Variants in POLK observed in about 807,000 individuals in gnomAD.
POLK encodes DNA polymerase kappa.
Under a neutral mutation model 94.0 loss-of-function variants are expected in POLK, and 76 were observed. The ratio of observed to expected loss-of-function variants is 0.81; its 90% CI spans 0.67 to 0.98. POLK has a LOEUF of 0.98. Ranked by LOEUF, POLK falls within the 50% of genes least tolerant of loss-of-function variation. The pLI, the probability that POLK is intolerant of heterozygous loss-of-function variation, is 0.00. For missense variants in POLK, 954 were observed against 1,010.1 expected (o/e 0.94, Z 0.75); for synonymous variants, 349 against 325.4 (o/e 1.07, Z -0.78).
intron 12 of POLK, among the ~76,000 whole-genome samples, chr5:75,594,986 C>T (rs1319208230): frequency 6.6e-6 from 1 of 152,110 alleles, no homozygotes. Context: ...CGCGGTGGCT[C>T]ACGCCTGTAA....
At position 75,569,373 on chromosome 5, in the gene POLK, C is replaced by T. The variant is rs770423121; in HGVS notation, c.289C>T (p.Arg97Ter). 5 of 1,611,116 alleles carry T rather than the reference C, an allele frequency of 3.1e-6. No individual in the cohort carries two copies. The highest frequency in any genetic ancestry group is 2.7e-5 in the African/African-American group (2 of 74,730). Residue 97 changes from arginine (R) to a stop codon, truncating the protein, a stop_gained, in exon 4 of 15, where the codon CGA (arginine) becomes TGA (stop). Coordinates refer to ENST00000241436, the Ensembl canonical transcript of POLK. LOFTEE classifies it high-confidence loss of function. ...ATTTGCAATGGAATTAGAACAAAGC[C>T]GAAATTTGAGCAATACCATAGTGCA...
rs538288772 is a variant in POLK at position 75,533,958 on chromosome 5, G to C, written c.-13-13052G>C. 6.6e-5 allele frequency among the ~76,000 whole-genome samples: 10 copies of C among 152,156 alleles called. 1 individual carries two copies. The East Asian group carries it at 1.9e-3, about 29-fold the overall frequency. ...ATTTTGTATCCTGAAGCTTTGCTGAGGTTTATCACATCAAGGAGCTTTTGG... is the reference window on the plus strand; with the variant it reads ...ATTTTGTATCCTGAAGCTTTGCTGACGTTTATCACATCAAGGAGCTTTTGG... On this transcript the variant is annotated intron_variant, in intron 1 of 14. Coordinates refer to ENST00000241436, the Ensembl canonical transcript of POLK.
chr5:75,596,629 T>A, exon 13 of POLK: 1 of 1,614,040 alleles, frequency 6.2e-7, no homozygotes. Context: ...TGTAGATGAA[T>A]GTCTTGATGG....
At chr5:75,582,147 C>T in intron 7 of POLK, 2 of 986,784 alleles carry the variant, frequency 2.0e-6, no homozygotes, top group Non-Finnish European at 2.4e-6. Flanking sequence ...GAAATACTAA[C>T]TAGCAACATA....
intron 3 of POLK, chr5:75,568,616 A>C: frequency 2.6e-6 from 1 of 390,882 alleles, no homozygotes; most frequent in South Asian, 1.9e-5. Flanking sequence ...TGTATTTGAC[A>C]TATATATTAA....
chr5:75,594,464 A>G (rs538376384), intron 12 of POLK, among the ~76,000 whole-genome samples: 7 of 152,332 alleles, frequency 4.6e-5, no homozygotes, highest in Non-Finnish European at 5.9e-5. Context: ...GTAAGGGTCA[A>G]TTAAAGTTGT....
intron 11 of POLK, among the ~76,000 whole-genome samples, chr5:75,591,076 T>TA (rs1198549006): frequency 3.9e-5 from 6 of 152,142 alleles, no homozygotes; most frequent in Non-Finnish European, 7.4e-5. Flanking sequence ...ATAGAAGAAA[T>TA]AAGACCTAGT....
chr5:75,583,396 C>G, exon 8 of POLK: 3 of 1,601,220 alleles, frequency 1.9e-6, no homozygotes, highest in Non-Finnish European at 2.6e-6. Flanking sequence ...TGGACTTCAT[C>G]AAGGATTTAC....
At chr5:75,534,096 T>G (rs1476134749) in intron 1 of POLK, among the ~76,000 whole-genome samples, 1 of 152,030 alleles carries the variant, frequency 6.6e-6, no homozygotes, top group Non-Finnish European at 1.5e-5. Flanking sequence ...TGAAACCCCA[T>G]CTCTACTAAA....
chr5:75,531,302 A>G (rs1427129721), intron 1 of POLK, among the ~76,000 whole-genome samples: 1 of 149,648 alleles, frequency 6.7e-6, no homozygotes, highest in Non-Finnish European at 1.5e-5. Context: ...TGTATAAACA[A>G]TATACTATAT....
At chr5:75,604,318 T>TAA (rs780705851), downstream of POLK, among the ~76,000 whole-genome samples, 2 of 151,880 alleles carry the variant, frequency 1.3e-5, 1 homozygote, top group South Asian at 4.2e-4. Context: ...AACCTGGGGC[T>TAA]AAAAAAAACT....
At chr5:75,545,509 CTAATATGA>C (rs1319054441) in intron 1 of POLK, among the ~76,000 whole-genome samples, 2 of 152,072 alleles carry the variant, frequency 1.3e-5, no homozygotes, top group Non-Finnish European at 2.9e-5. Context: ...TTTTTTCTCC[CTAATATGA>C]AAATAACCAG....
At chr5:75,511,412 C>T (rs1026933314), upstream of POLK, 116 of 1,545,264 alleles carry the variant, frequency 7.5e-5, no homozygotes, top group Non-Finnish European at 9.5e-5. Flanking sequence ...GGAGGACGAG[C>T]GGTGAAGGAA....
chr5:75,596,792 G>T, exon 13 of POLK: 2 of 1,611,770 alleles, frequency 1.2e-6, no homozygotes, highest in East Asian at 2.2e-5. Context: ...TCAGTAGATT[G>T]TATAGCTTTA....
At chr5:75,585,879 A>G (rs1463562345) in intron 9 of POLK, among the ~76,000 whole-genome samples, 2 of 152,190 alleles carry the variant, frequency 1.3e-5, no homozygotes, top group East Asian at 3.8e-4. Flanking sequence ...TTGATGGACT[A>G]ATTAAGCCTA....
At chr5:75,516,489 A>T (rs1207476253) in intron 1 of POLK, among the ~76,000 whole-genome samples, 1 of 152,208 alleles carries the variant, frequency 6.6e-6, no homozygotes, top group Non-Finnish European at 1.5e-5. Flanking sequence ...TAAAAGTTTA[A>T]AAATAAAGTT....
chr5:75,557,028 A>G (rs964951809), intron 3 of POLK, among the ~76,000 whole-genome samples: 1 of 152,148 alleles, frequency 6.6e-6, no homozygotes, highest in Non-Finnish European at 1.5e-5. Context: ...GCACCACTGC[A>G]CTCCAGCCTG....
upstream of POLK, chr5:75,511,130 G>A: frequency 1.3e-6 from 2 of 1,598,206 alleles, no homozygotes; most frequent in African/African-American, 1.3e-5. Flanking sequence ...GGACCCCGCA[G>A]CGCTCCACAG....
chr5:75,576,280 A>G (rs1396114989), intron 5 of POLK, among the ~76,000 whole-genome samples: 1 of 152,108 alleles, frequency 6.6e-6, no homozygotes, highest in Non-Finnish European at 1.5e-5. Flanking sequence ...TGTTAAGTGG[A>G]CTTTTATGTG....
Sources: allele counts gnomAD v4.1 joint callset (sites outside exome capture counted in the v4.1 genomes callset), GRCh38; gene constraint gnomAD v4.1.1; transcripts MANE v1.5; gene names NCBI Gene and HGNC (gene_info 2026-07-23, HGNC 2026-07-21).